The following KCNH5 variants were observed in gnomAD, a reference collection of about 807,000 sequenced individuals.
KCNH5 encodes voltage-gated delayed rectifier potassium channel KCNH5.
KCNH5 carries 46 observed loss-of-function variants against 96.1 expected under a neutral mutation model. That is an observed-to-expected ratio of 0.48 (90% CI 0.38 to 0.61). The LOEUF is 0.61. Among genes scored for constraint, KCNH5 ranks in the 20% least tolerant of loss-of-function variants. The pLI, the probability that KCNH5 is intolerant of heterozygous loss-of-function variation, is 0.00. For synonymous variants in KCNH5, 439 were observed against 449.8 expected (o/e 0.98, Z 0.30); for missense variants, 907 against 1,225.8 (o/e 0.74, Z 3.88).
chr14:62,999,128 T>A (rs540284451), intron 4 of KCNH5, among the ~76,000 whole-genome samples: 97 of 152,294 alleles, frequency 6.4e-4, no homozygotes, highest in African/African-American at 2.3e-3. Context: ...TCCACAATGG[T>A]TGAACTAGTT....
At chr14:62,954,552 C>T (rs1890065617) in intron 6 of KCNH5, among the ~76,000 whole-genome samples, 1 of 152,158 alleles carries the variant, frequency 6.6e-6, no homozygotes, top group Admixed American at 6.6e-5. Context: ...TAATTACAAA[C>T]TCAGAATGAT....
At chr14:63,009,642 T>C (rs1453577735) in intron 2 of KCNH5, among the ~76,000 whole-genome samples, 3 of 152,196 alleles carry the variant, frequency 2.0e-5, no homozygotes, top group African/African-American at 7.2e-5. Context: ...ACTATCTATC[T>C]ATCCTCCCAA....
chr14:62,926,403 C>G (rs1889477196), intron 7 of KCNH5, among the ~76,000 whole-genome samples: 1 of 152,080 alleles, frequency 6.6e-6, no homozygotes, highest in Non-Finnish European at 1.5e-5. Context: ...AATGCTTGTG[C>G]ACATGCACAC....
intron 5 of KCNH5, among the ~76,000 whole-genome samples, chr14:62,983,436 GTATAT>G (rs914855527): frequency 1.3e-5 from 2 of 149,982 alleles, no homozygotes; most frequent in Non-Finnish European, 3.0e-5. Context: ...GTGTGTGTGT[GTATAT>G]TATAACAGAT....
chr14:62,916,709 G>A (rs1201710647), intron 7 of KCNH5, among the ~76,000 whole-genome samples: 1 of 142,320 alleles, frequency 7.0e-6, no homozygotes, highest in Non-Finnish European at 1.5e-5. Context: ...CTGCATGTTT[G>A]ATTTGAAAGG....
chr14:62,958,420 G>A (rs1017856529), intron 6 of KCNH5, among the ~76,000 whole-genome samples: 1 of 152,038 alleles, frequency 6.6e-6, no homozygotes, highest in African/African-American at 2.4e-5. Flanking sequence ...CTTCTCCTCA[G>A]ACACCCACTT....
intron 1 of KCNH5, among the ~76,000 whole-genome samples, chr14:63,043,532 C>A (rs943021615): frequency 2.6e-5 from 4 of 152,056 alleles, no homozygotes; most frequent in Admixed American, 1.3e-4. Context: ...AATTGCCTAC[C>A]ATTATGAATT....
intron 7 of KCNH5, among the ~76,000 whole-genome samples, chr14:62,925,856 GAAGA>G (rs915618278): frequency 1.3e-5 from 2 of 151,942 alleles, no homozygotes; most frequent in Admixed American, 1.3e-4. Flanking sequence ...TAAAATTAAA[GAAGA>G]AAGAAATTCC....
At position 62,779,819 on chromosome 14, in the gene KCNH5, C is replaced by T. The variant is rs1225099063; in HGVS notation, c.1928G>A (p.Arg643Gln). The T allele has an allele frequency of 2.0e-5, 33 of 1,613,856 alleles. No homozygotes were observed. The highest frequency in any genetic ancestry group is 3.3e-5 in the Admixed American group (2 of 59,986). The stretch of plus-strand genomic sequence containing the variant: ...GTCCAGGACTTTGAGCAAGGCTTCC[C>T]GCTTGATGATGTGTAGGTCACAGTA... ...LTYCDLHIIKREALLKVLDFY... is the reference protein window; with the variant it reads ...LTYCDLHIIKQEALLKVLDFY... Residue 643 changes from arginine (R) to glutamine (Q), a missense_variant, in exon 10 of 11, where the codon CGG (arginine) becomes CAG (glutamine). Around this residue, in one of 6 missense-constraint regions of KCNH5, gnomAD observed 57 missense variants for 76.0 expected, o/e 0.75. Coordinates refer to ENST00000322893, the MANE Select transcript of KCNH5 (RefSeq NM_139318.5).
chr14:62,792,320 T>C (rs1886452802), intron 9 of KCNH5, among the ~76,000 whole-genome samples: 1 of 151,554 alleles, frequency 6.6e-6, no homozygotes, highest in African/African-American at 2.4e-5. Context: ...ATTTAGCTCG[T>C]AGATTTTTTT....
At chr14:62,721,966 G>A (rs1029914989) in intron 10 of KCNH5, among the ~76,000 whole-genome samples, 2 of 152,120 alleles carry the variant, frequency 1.3e-5, no homozygotes, top group African/African-American at 2.4e-5. Flanking sequence ...AATAAATGGC[G>A]AGAAAGCCCA....
At chr14:63,032,610 G>C (rs997136069) in intron 1 of KCNH5, among the ~76,000 whole-genome samples, 62 of 152,166 alleles carry the variant, frequency 4.1e-4, no homozygotes, top group African/African-American at 1.3e-3. Context: ...TTGGGGTTTG[G>C]GTTTTATTCA....
intron 10 of KCNH5, among the ~76,000 whole-genome samples, chr14:62,720,360 T>C (rs1884780788): frequency 6.6e-6 from 1 of 151,868 alleles, no homozygotes. Context: ...CATTGAAAGG[T>C]TGGAAGGATA....
At chr14:63,018,522 T>A (rs577143164) in intron 1 of KCNH5, among the ~76,000 whole-genome samples, 15 of 151,970 alleles carry the variant, frequency 9.9e-5, no homozygotes, top group African/African-American at 3.6e-4. Context: ...AGAGTTCAAG[T>A]CCCATCAAGC....
chr14:62,732,505 A>G (rs531923961), intron 10 of KCNH5, among the ~76,000 whole-genome samples: 1 of 151,892 alleles, frequency 6.6e-6, no homozygotes, highest in African/African-American at 2.4e-5. Flanking sequence ...AAAAACTCAC[A>G]AAAGTCAAAA....
At chr14:62,944,947 T>C (rs1889858233) in intron 7 of KCNH5, among the ~76,000 whole-genome samples, 1 of 152,104 alleles carries the variant, frequency 6.6e-6, no homozygotes, top group Non-Finnish European at 1.5e-5. Flanking sequence ...AAGAATATAA[T>C]AGAAACTCAG....
rs146961914 is a variant in KCNH5, at chr14:62,992,834, C to T, written c.434-5647G>A. On this transcript the variant is annotated intron_variant, in intron 4 of 10. Transcript: ENST00000322893. ...TTTAGTTTAATTAAGTTCCATATGT[C>T]TGTTTTCATTTTTGTTGCCTCAGCT... Among the ~76,000 whole-genome samples the T allele has an allele frequency of 5.8e-4, 88 of 152,094 alleles. 1 individual carries two copies. Among genetic ancestry groups the T allele is most frequent in the African/African-American group, 2.0e-3 (85 of 41,544 alleles).
intron 10 of KCNH5, among the ~76,000 whole-genome samples, chr14:62,711,226 C>T (rs1258348543): frequency 6.6e-6 from 1 of 152,002 alleles, no homozygotes; most frequent in Admixed American, 6.6e-5. Context: ...CAGCTGCCCC[C>T]CACCCACCCC....
chr14:62,746,459 C>G (rs997533547), intron 10 of KCNH5, among the ~76,000 whole-genome samples: 2 of 152,230 alleles, frequency 1.3e-5, no homozygotes, highest in Non-Finnish European at 2.9e-5. Context: ...GAAACTACTT[C>G]TCTAAGTTTG....
Sources: gnomAD v4.1 joint callset for allele counts (sites outside exome capture counted in the v4.1 genomes callset) on GRCh38, gnomAD v4.1.1 for gene constraint, gnomAD v4.1.1 regional missense constraint, MANE v1.5 for transcripts, NCBI Gene and HGNC (gene_info 2026-07-23, HGNC 2026-07-21) for gene names.